The following FN1 variants were observed in gnomAD, a reference collection of about 807,000 sequenced individuals.
The protein encoded by FN1 is fibronectin.
A neutral mutation model predicts 297.3 loss-of-function variants in FN1; 106 were observed. That is an observed-to-expected ratio of 0.36 (90% CI 0.30 to 0.42). The LOEUF is 0.42. FN1 is among the 10% of genes least tolerant of loss of function. The probability of loss-of-function intolerance (pLI) is 1.00; values close to 1 mark genes in which losing one functional copy is unlikely to be tolerated. For missense variants in FN1, 2,690 were observed against 3,124.9 expected, an observed-to-expected ratio of 0.86 and a Z score of 3.32; for synonymous variants, 1,149 against 1,152.6, an observed-to-expected ratio of 1.00 and a Z score of 0.06.
At chr2:215,371,549 CTA>C (rs909339283) in intron 40 of FN1, among the ~76,000 whole-genome samples, 1 of 149,534 alleles carries the variant, frequency 6.7e-6, no homozygotes, top group Non-Finnish European at 1.5e-5. Context: ...TTCATTTTCT[CTA>C]TGAAATAAAA....
At chr2:215,414,515 T>C (rs1334404092) in intron 13 of FN1, 1 of 254,354 alleles carries the variant, frequency 3.9e-6, no homozygotes, top group East Asian at 8.8e-5. Flanking sequence ...TAGATTCTCT[T>C]CCCACATTGG....
chr2:215,411,407 G>A (rs1458386997), intron 13 of FN1, among the ~76,000 whole-genome samples: 1 of 152,122 alleles, frequency 6.6e-6, no homozygotes, highest in Non-Finnish European at 1.5e-5. Flanking sequence ...TGGAATAAGC[G>A]AGAGTGATCG....
At chr2:215,365,288 A>T (rs1331978890) in intron 43 of FN1, among the ~76,000 whole-genome samples, 1 of 152,156 alleles carries the variant, frequency 6.6e-6, no homozygotes, top group African/African-American at 2.4e-5. Flanking sequence ...CAAAATACTC[A>T]GGTTGGACAA....
rs145123731 is a variant in FN1, at chr2:215,425,243, G to A, written c.887C>T (p.Pro296Leu). ...GGGAGGAGGCTGGGGGTGAGGCTGC[G>A]GTTGGTAAACAGCTGCACGAACATC... ...FTDVRAAVYQ[P>L]QPHPQPPPYG... is the part of the protein sequence containing the mutation. The change falls in exon 7 of 46, where the codon CCG (proline) becomes CTG (leucine). Residue 296 changes from proline to leucine, a missense_variant. This residue lies in a region of FN1 where 876 missense variants were observed against 1,058.1 expected (regional missense o/e 0.83). Coordinates refer to ENST00000354785, the MANE Select transcript of FN1 (RefSeq NM_212482.4). The A allele has an allele frequency of 9.3e-5, 150 of 1,614,024 alleles. No homozygotes were observed. In the African/African-American group the frequency reaches 1.7e-3, roughly 18 times the overall value.
In FN1 at chr2:215,423,381, G is replaced by A. The variant is rs199794389; in HGVS notation, c.1362C>T (p.Ala454=). 1.9e-5 allele frequency: 30 copies of A among 1,614,128 alleles called. No individual in the cohort carries two copies. The East Asian group carries it at 2.2e-4, about 12-fold the overall frequency. ...TGGGGCAGAACCCAAACTTCTGGTC[G>A]GCATCATAGTTCTGTGTGGTCCCAC... is the stretch of plus-strand genomic sequence containing the variant. ...KWCGTTQNYD[A]DQKFGFCPMA... The change falls in exon 9 of 46, where the codon GCC becomes GCT. Residue 454 remains alanine, a synonymous_variant. Transcript: ENST00000354785.
At chr2:215,362,195 G>T in intron 44 of FN1, 116 bp from the exon 45 acceptor site, 1 of 735,928 alleles carries the variant, frequency 1.4e-6, no homozygotes, top group Non-Finnish European at 2.4e-6. Context: ...AATATAAGCA[G>T]TTAATCACTA....
chr2:215,399,276 G>T lies in FN1; in HGVS notation c.3329C>A (p.Ala1110Asp). Residue 1110 changes from alanine to aspartate, a missense_variant, in exon 21 of 46, where the codon GCT (alanine) becomes GAT (aspartate). Ala to Asp is a moderately radical substitution (Grantham distance 126). Coordinates refer to ENST00000354785, the MANE Select transcript of FN1 (RefSeq NM_212482.4). Reference protein sequence around the residue: ...ETTIVITWTPAPRIGFKLGVR... With the variant: ...ETTIVITWTPDPRIGFKLGVR... ...GTTTACCTTAAAACCAATTCTTGGA[G>T]CAGGCGTCCATGTGATCACAATGGT... 6.2e-7 allele frequency: 1 copy of T among 1,613,244 alleles called. No individual in the cohort carries two copies. Among genetic ancestry groups the T allele is most frequent in the South Asian group, 1.1e-5 (1 of 91,072 alleles).
At chr2:215,401,705 AT>A (rs540556171) in intron 20 of FN1, among the ~76,000 whole-genome samples, 29 of 151,490 alleles carry the variant, frequency 1.9e-4, no homozygotes, top group Middle Eastern at 3.4e-3. Flanking sequence ...ACTCCAGTCA[AT>A]TTTTTTTTCT....
At chr2:215,384,716 T>G in intron 29 of FN1, 144 bp downstream of exon 29, 1 of 669,126 alleles carries the variant, frequency 1.5e-6, no homozygotes, top group Non-Finnish European at 2.7e-6. Context: ...ATCTATATCT[T>G]ACGTATTTTC....
intron 23 of FN1, among the ~76,000 whole-genome samples, chr2:215,395,857 C>T (rs2060247679): frequency 6.6e-6 from 1 of 152,078 alleles, no homozygotes; most frequent in African/African-American, 2.4e-5. Context: ...GTGGGCTGGG[C>T]CATTGAGACG....
At chr2:215,421,436 C>G (rs2064333544) in intron 10 of FN1, among the ~76,000 whole-genome samples, 2 of 152,130 alleles carry the variant, frequency 1.3e-5, no homozygotes, top group Non-Finnish European at 2.9e-5. Context: ...TTCTGCAACA[C>G]CACATGTAAT....
At chr2:215,422,305 G>A in intron 9 of FN1, 62 bp from the exon 10 acceptor site, 1 of 1,480,968 alleles carries the variant, frequency 6.8e-7, no homozygotes, top group Non-Finnish European at 9.4e-7. Flanking sequence ...ACATGTATGT[G>A]TGCAAAAGGA....
chr2:215,413,649 C>A (rs1053561569), intron 13 of FN1, among the ~76,000 whole-genome samples: 1 of 152,190 alleles, frequency 6.6e-6, no homozygotes, highest in South Asian at 2.1e-4. Flanking sequence ...AGTTTTCCAC[C>A]TCTATCAGGG....
intron 31 of FN1, among the ~76,000 whole-genome samples, chr2:215,382,537 A>G (rs1457074820): frequency 6.6e-6 from 1 of 152,228 alleles, no homozygotes; most frequent in African/African-American, 2.4e-5. Flanking sequence ...AGTCACACTC[A>G]AGGATAAGAT....
intron 22 of FN1, 97 bp from the exon 23 acceptor site, chr2:215,397,320 TTCCC>T (rs887248916): frequency 1.3e-4 from 109 of 853,634 alleles, no homozygotes; most frequent in African/African-American, 5.1e-4. Flanking sequence ...TCCATGCTTC[TTCCC>T]TCCCTCCCTC....
At chr2:215,434,976 G>A in intron 1 of FN1, 152 bp from the exon 2 acceptor site, 1 of 873,708 alleles carries the variant, frequency 1.1e-6, no homozygotes, top group Non-Finnish European at 1.8e-6. Flanking sequence ...CTGGCCAGGG[G>A]TCTACATAAA....
chr2:215,418,725 A>G (rs2063775818), intron 12 of FN1, among the ~76,000 whole-genome samples: 1 of 152,210 alleles, frequency 6.6e-6, no homozygotes, highest in Admixed American at 6.5e-5. Context: ...AGAGTTGACC[A>G]AGTTACTCAA....
intron 31 of FN1, 38 bp from the exon 32 acceptor site, chr2:215,382,363 C>T (rs1303920938): frequency 1.5e-6 from 2 of 1,342,056 alleles, no homozygotes; most frequent in Admixed American, 3.4e-5. Context: ...ACATCCACGT[C>T]ATCCACTATA....
rs112946345 is a variant in FN1, at chr2:215,435,682, A to C, written c.121T>G (p.Ser41Ala). The C allele has an allele frequency of 9.9e-4, 1,605 of 1,613,466 alleles. 18 individuals are homozygous for C. The African/African-American group carries it at 0.019, about 19-fold the overall frequency. The part of the protein sequence containing the change: ...RQAQQMVQPQ[S>A]PVAVSQSKPG... The stretch of plus-strand genomic sequence containing the variant: ...TTGCTTTGACTGACAGCCACCGGGG[A>C]CTGGGGCTGAACCATTTGCTGAGCC... The change falls in exon 1 of 46, where the codon TCC becomes GCC. Residue 41 changes from serine to alanine, a missense_variant. Around this residue, in one of 3 missense-constraint regions of FN1, gnomAD observed 876 missense variants for 1,058.1 expected, o/e 0.83. Transcript: ENST00000354785.
Sources: gnomAD v4.1 joint callset for allele counts (sites outside exome capture counted in the v4.1 genomes callset) on GRCh38, gnomAD v4.1.1 for gene constraint, gnomAD v4.1.1 regional missense constraint, MANE v1.5 for transcripts, NCBI Gene and HGNC (gene_info 2026-07-23, HGNC 2026-07-21) for gene names.